Variants in SRSF12 observed in about 807,000 individuals in gnomAD.
SRSF12 encodes serine and arginine rich splicing factor 12.
A neutral mutation model predicts 34.1 loss-of-function variants in SRSF12; 21 were observed. The observed-to-expected ratio is 0.62, with a 90% CI of 0.44 to 0.89. The LOEUF is 0.89. Among genes scored for constraint, SRSF12 ranks in the 40% least tolerant of loss-of-function variants. SRSF12 has a pLI of 0.00. For synonymous variants in SRSF12, 111 were observed against 110.8 expected (o/e 1.00, Z -0.01); for missense variants, 278 against 327.8 (o/e 0.85, Z 1.17).
chr6:89,101,716 A>G (rs1397246188), intron 4 of SRSF12, among the ~76,000 whole-genome samples: 14 of 152,110 alleles, frequency 9.2e-5, no homozygotes, highest in African/African-American at 2.7e-4. Context: ...ATAAAAATAA[A>G]AATAAATCTG....
chr6:89,103,571 C>T (rs993897514), intron 4 of SRSF12, among the ~76,000 whole-genome samples: 1 of 151,880 alleles, frequency 6.6e-6, no homozygotes, highest in Non-Finnish European at 1.5e-5. Context: ...TCAGGTGATC[C>T]GCCCCCGCCC....
At chr6:89,106,748 G>A (rs1447773756) in intron 2 of SRSF12, 4 of 332,560 alleles carry the variant, frequency 1.2e-5, no homozygotes, top group African/African-American at 6.4e-5. Context: ...CTTTATAAGA[G>A]ACGCAGAACC....
At chr6:89,108,214 C>G (rs750596277) in intron 1 of SRSF12, among the ~76,000 whole-genome samples, 4 of 152,164 alleles carry the variant, frequency 2.6e-5, no homozygotes, top group Non-Finnish European at 5.9e-5. Flanking sequence ...CTTCATGGAG[C>G]TACAATTTAA....
intron 4 of SRSF12, among the ~76,000 whole-genome samples, chr6:89,099,413 T>TACAC (rs1554182352): frequency 2.1e-5 from 3 of 140,032 alleles, no homozygotes; most frequent in African/African-American, 8.4e-5. Flanking sequence ...CATATATATA[T>TACAC]ACATATATAT....
At chr6:89,111,249 C>T (rs1769035820) in intron 1 of SRSF12, among the ~76,000 whole-genome samples, 1 of 152,130 alleles carries the variant, frequency 6.6e-6, no homozygotes, top group Admixed American at 6.6e-5. Flanking sequence ...GCTGGGATTA[C>T]AGGCATGTGC....
intron 4 of SRSF12, among the ~76,000 whole-genome samples, chr6:89,102,723 A>G (rs1050497360): frequency 2.6e-5 from 4 of 152,120 alleles, no homozygotes; most frequent in Non-Finnish European, 5.9e-5. Flanking sequence ...AAAGATTTAC[A>G]GAATACCTTT....
chr6:89,101,766 G>C (rs1345817958), intron 4 of SRSF12, among the ~76,000 whole-genome samples: 1 of 151,988 alleles, frequency 6.6e-6, no homozygotes, highest in Non-Finnish European at 1.5e-5. Context: ...TTCTTTCAAA[G>C]GAGCAACCAC....
intron 1 of SRSF12, among the ~76,000 whole-genome samples, chr6:89,117,567 G>T (rs1769365192): frequency 6.6e-6 from 1 of 152,192 alleles, no homozygotes; most frequent in Non-Finnish European, 1.5e-5. Flanking sequence ...GCTGAACCGC[G>T]GAAAGCGACG....
At chr6:89,100,536 A>C (rs1360502452) in intron 4 of SRSF12, among the ~76,000 whole-genome samples, 3 of 148,584 alleles carry the variant, frequency 2.0e-5, no homozygotes, top group Non-Finnish European at 4.5e-5. Context: ...AAAAAAAAAA[A>C]CAGGCAAGAA....
chr6:89,115,304 CAG>C (rs780622458), intron 1 of SRSF12, among the ~76,000 whole-genome samples: 5 of 152,038 alleles, frequency 3.3e-5, no homozygotes, highest in Admixed American at 2.0e-4. Flanking sequence ...TTTTTTGAGA[CAG>C]AGTCTCACTC....
chr6:89,116,782 A>AT (rs200136706), intron 1 of SRSF12, among the ~76,000 whole-genome samples: 9,477 of 151,850 alleles, frequency 0.062, 866 homozygotes, highest in African/African-American at 0.2. Context: ...TCTAAAAAAA[A>AT]AAAAAAAACT....
chr6:89,108,310 T>A (rs945606461), intron 1 of SRSF12, among the ~76,000 whole-genome samples: 1 of 152,250 alleles, frequency 6.6e-6, no homozygotes, highest in African/African-American at 2.4e-5. Context: ...AACCACTTAA[T>A]TCTTACAATT....
At position 89,098,618 on chromosome 6, in the gene SRSF12, T is replaced by C. The variant is rs755486839; in HGVS notation, c.746A>G (p.His249Arg). The C allele has an allele frequency of 6.2e-6, 10 of 1,613,780 alleles. No homozygotes were observed. The Admixed American group carries it at 1.2e-4, about 19-fold the overall frequency. Residue 249 changes from histidine (H) to arginine (R), a missense_variant, in exon 5 of 5, where the codon CAT becomes CGT. His to Arg is a conservative substitution (Grantham distance 29). Coordinates refer to ENST00000452027, the MANE Select transcript of SRSF12 (RefSeq NM_080743.5). ...ATGACGATAACTTCGAGATCTGGAA[T>C]GTGACCGAAAATGAGAATGCTTTGC... ...QTAKHSHFRS[H>R]SRSRSYRHKN...
Position 89,105,535 on chromosome 6 carries a change from C to T in SRSF12, c.171-5G>A. On this transcript the variant is annotated splice_region_variant and splice_polypyrimidine_tract_variant and intron_variant, in intron 2 of 4. Transcript: ENST00000452027. ...GCATCTCGAACATCTTCAAATATGA[C>T]TAGCTGTTAAGGACACTTTGAACAT... 1 of 1,591,478 alleles carries T rather than the reference C, an allele frequency of 6.3e-7. No homozygotes were observed. Among genetic ancestry groups the T allele is most frequent in the Non-Finnish European group, 8.5e-7 (1 of 1,169,860 alleles).
At chr6:89,116,502 C>T (rs1366660572) in intron 1 of SRSF12, among the ~76,000 whole-genome samples, 1 of 152,160 alleles carries the variant, frequency 6.6e-6, no homozygotes, top group Non-Finnish European at 1.5e-5. Flanking sequence ...TGGCCGGGCA[C>T]GGTGGCTCAT....
In SRSF12 at chr6:89,105,260, G is replaced by A; in HGVS notation, c.275C>T (p.Thr92Ile). The change falls in exon 4 of 5, where the codon ACA (threonine) becomes ATA (isoleucine). Residue 92 changes from threonine to isoleucine, a missense_variant and splice_region_variant. By Grantham distance (89) the Thr-to-Ile change is moderately conservative. Transcript: ENST00000452027. The part of the protein sequence containing the change: ...EIQFAQGDRK[T>I]PGQMKSKERH... ...TTCTTTTGATTTCATTTGGCCTGGT[G>A]CTGGAACATAAAGAACAAGACTTAT... 1 of 1,606,206 alleles carries A rather than the reference G, an allele frequency of 6.2e-7. No homozygotes were observed.
rs1768369116 is a variant in SRSF12 at position 89,098,707 on chromosome 6, T to G, written c.657A>C (p.Ser219=). 1 of 1,613,986 alleles carries G rather than the reference T, an allele frequency of 6.2e-7. No individual in the cohort carries two copies. Among genetic ancestry groups the G allele is most frequent in the East Asian group, 2.2e-5 (1 of 44,882 alleles). ...GAGATTTACACGGGGATCTTGCTAT[T>G]GAGTCAGAATGTCTTCCATGTGATC... is the stretch of plus-strand genomic sequence containing the variant. ...KSRSHGRHSD[S]IARSPCKSPK... The change falls in exon 5 of 5, where the codon TCA becomes TCC. Residue 219 remains serine, a synonymous_variant. Coordinates refer to ENST00000452027, the MANE Select transcript of SRSF12 (RefSeq NM_080743.5).
chr6:89,112,447 CTTTT>C (rs760181452), intron 1 of SRSF12, among the ~76,000 whole-genome samples: 4 of 128,862 alleles, frequency 3.1e-5, no homozygotes, highest in Non-Finnish European at 5.1e-5. Context: ...TCTTTTCTTT[CTTTT>C]TTTTTTTTTT....
In SRSF12 at chr6:89,099,452, G is replaced by GTGTGTATATATACACACATATATATT. The variant is rs1768424385; in HGVS notation, c.417-506_417-505insAATATATATGTGTGTATATATACACA. Among the ~76,000 whole-genome samples the GTGTGTATATATACACACATATATATT allele has an allele frequency of 3.6e-5, 5 of 139,860 alleles. 2 individuals are homozygous for GTGTGTATATATACACACATATATATT. Among genetic ancestry groups the GTGTGTATATATACACACATATATATT allele is most frequent in the African/African-American group, 1.4e-4 (5 of 36,736 alleles). The allele number at this position is 139,860 out of a possible 152,430, so 91.8% of individuals were successfully genotyped here. A position where few individuals can be genotyped will look rare whatever the true frequency, so the allele number is the denominator to read the frequency against. On this transcript the variant is annotated intron_variant, in intron 4 of 4. Transcript: ENST00000452027. The stretch of plus-strand genomic sequence containing the variant: ...TGTGTATATATATACACATATATAT[G>GTGTGTATATATACACACATATATATT]TGTGTATATATGTGTGTGTATATAT...
Sources: allele counts gnomAD v4.1 joint callset (sites outside exome capture counted in the v4.1 genomes callset), GRCh38; gene constraint gnomAD v4.1.1; transcripts MANE v1.5; gene names NCBI Gene and HGNC (gene_info 2026-07-23, HGNC 2026-07-21).